Variants in EIF2A observed in about 807,000 individuals in gnomAD.
The protein encoded by EIF2A is 65 kDa eukaryotic translation initiation factor 2A.
EIF2A carries 62 observed loss-of-function variants against 75.2 expected under a neutral mutation model. The observed-to-expected ratio is 0.82, with a 90% CI of 0.67 to 1.02. The LOEUF is 1.02. Among genes scored for constraint, EIF2A ranks in the 50% least tolerant of loss-of-function variants. The pLI is 0.00. For synonymous variants in EIF2A, 207 were observed against 239.0 expected, an observed-to-expected ratio of 0.87 and a Z score of 1.23; for missense variants, 611 against 677.7, an observed-to-expected ratio of 0.90 and a Z score of 1.09.
intron 1 of EIF2A, among the ~76,000 whole-genome samples, chr3:150,552,033 G>A (rs1185117773): frequency 6.6e-6 from 1 of 152,082 alleles, no homozygotes; most frequent in African/African-American, 2.4e-5. Flanking sequence ...AGGTGGTAAC[G>A]TATCCAAGGT....
chr3:150,564,347 C>CAATG lies in EIF2A; in HGVS notation c.444_447dup (p.Val150Ter). On this transcript the variant is annotated frameshift_variant, in exon 6 of 14. Transcript: ENST00000460851. LOFTEE classifies it high-confidence loss of function. ...AAACTCTTTGTGCCCGCAATGTTAA[C>CAATG]AATGAAGTTCACTTCTTTGAAAACA... 1 of 1,601,402 alleles carries CAATG rather than the reference C, an allele frequency of 6.2e-7. No individual in the cohort carries two copies. Among genetic ancestry groups the CAATG allele is most frequent in the Non-Finnish European group, 8.5e-7 (1 of 1,175,318 alleles).
Position 150,561,979 on chromosome 3 carries a change from G to A in EIF2A, c.174-563G>A, listed in dbSNP as rs529622337. ...TCTCCATGTTGGCCAGGCTGGTCTC[G>A]AACTCCCGACCTCAGGTGATCCACC... On this transcript the variant is annotated intron_variant, in intron 3 of 13. Transcript: ENST00000460851. 2.6e-5 allele frequency among the ~76,000 whole-genome samples: 4 copies of A among 151,882 alleles called. No homozygotes were observed. In the South Asian group the frequency reaches 6.2e-4, roughly 24 times the overall value.
intron 11 of EIF2A, among the ~76,000 whole-genome samples, chr3:150,577,970 A>C (rs957169639): frequency 3.9e-5 from 6 of 152,196 alleles, no homozygotes; most frequent in African/African-American, 1.4e-4. Flanking sequence ...ATTCCAAGTA[A>C]AAATGATCTA....
In EIF2A at chr3:150,571,964, A is replaced by G; in HGVS notation, c.818A>G (p.Asn273Ser). 1.3e-6 allele frequency: 2 copies of G among 1,596,014 alleles called. No homozygotes were observed. Among genetic ancestry groups the G allele is most frequent in the Non-Finnish European group, 1.7e-6 (2 of 1,173,114 alleles). ...CTTTATATTCTTTTTCTAGCAAAAA[A>G]TGGCCCCATTTATGATGTAGTTTGG... The part of the protein sequence containing the change: ...GESAVVQLPK[N>S]GPIYDVVWNS... The change falls in exon 10 of 14, where the codon AAT becomes AGT. Residue 273 changes from asparagine (N) to serine (S), a missense_variant. Asn to Ser is a conservative substitution (Grantham distance 46). Transcript: ENST00000460851.
At position 150,571,967 on chromosome 3, in the gene EIF2A, G is replaced by T. The variant is rs1448784838; in HGVS notation, c.821G>T (p.Gly274Val). Residue 274 changes from glycine to valine, a missense_variant, in exon 10 of 14, where the codon GGC becomes GTC. Transcript: ENST00000460851. ...TATATTCTTTTTCTAGCAAAAAATG[G>T]CCCCATTTATGATGTAGTTTGGAAT... is the stretch of plus-strand genomic sequence containing the variant. ...ESAVVQLPKN[G>V]PIYDVVWNSS... The T allele has an allele frequency of 6.3e-7, 1 of 1,595,964 alleles. No individual in the cohort carries two copies. Among genetic ancestry groups the T allele is most frequent in the Admixed American group, 1.8e-5 (1 of 55,756 alleles).
At chr3:150,564,449 T>C in intron 6 of EIF2A, 68 bp downstream of exon 6, 1 of 1,291,590 alleles carries the variant, frequency 7.7e-7, no homozygotes. Flanking sequence ...TTAACTTTTA[T>C]GACATCATAG....
chr3:150,578,345 AAAT>A (rs1314696455), intron 11 of EIF2A, among the ~76,000 whole-genome samples: 9 of 148,636 alleles, frequency 6.1e-5, no homozygotes, highest in South Asian at 4.2e-4. Context: ...TTAATTATAT[AAAT>A]AATATACAAA....
chr3:150,547,031 T>G, intron 1 of EIF2A: 1 of 618,068 alleles, frequency 1.6e-6, no homozygotes, highest in South Asian at 2.0e-5. Flanking sequence ...GTATTCCCCC[T>G]CCCTTTCACC....
chr3:150,583,361 G>A, intron 13 of EIF2A, 96 bp downstream of exon 13: 1 of 1,182,064 alleles, frequency 8.5e-7, no homozygotes, highest in Non-Finnish European at 1.2e-6. Flanking sequence ...AGCACATGGA[G>A]TTTAAAAACT....
chr3:150,571,264 T>G (rs1724499924), intron 9 of EIF2A, among the ~76,000 whole-genome samples: 1 of 151,326 alleles, frequency 6.6e-6, no homozygotes, highest in South Asian at 2.1e-4. Context: ...CTCAGCCTCC[T>G]GAGTAGCTGG....
In EIF2A at chr3:150,584,175, CAA is replaced by C. The variant is rs971559525; in HGVS notation, c.*265_*266del. 5 of 322,008 alleles carry C rather than the reference CAA, an allele frequency of 1.6e-5. No individual in the cohort carries two copies. Among genetic ancestry groups the C allele is most frequent in the East Asian group, 5.3e-5 (1 of 18,938 alleles). 19.9% of individuals were successfully genotyped at this position (322,008 alleles called of 1,614,324 possible). On this transcript the variant is annotated 3_prime_UTR_variant, in exon 14 of 14. Coordinates refer to ENST00000460851, the MANE Select transcript of EIF2A (RefSeq NM_032025.5). Reference sequence around the variant, plus strand: ...TAGCTAAGCTTGACAGATTGAAAGACAAGTGTCATTTTTTTTTGTAGAGGGTG... The same window carrying C: ...TAGCTAAGCTTGACAGATTGAAAGACGTGTCATTTTTTTTTGTAGAGGGTG...
rs532482827 is a variant in EIF2A at position 150,574,058 on chromosome 3, A to G, written c.1383+1529A>G. Among the ~76,000 whole-genome samples, 6 of 152,228 alleles carry G rather than the reference A, an allele frequency of 3.9e-5. No homozygotes were observed. In the South Asian group the frequency reaches 1.0e-3, roughly 26 times the overall value. ...GACCCCATCACTACTAAAAATGCAA[A>G]ACAAATAGTTGGGCATGGTGGTGTC... is the stretch of plus-strand genomic sequence containing the variant. On this transcript the variant is annotated intron_variant, in intron 10 of 13. Transcript: ENST00000460851.
chr3:150,558,603 C>T (rs897885474), intron 3 of EIF2A, 141 bp downstream of exon 3: 19 of 639,182 alleles, frequency 3.0e-5, no homozygotes, highest in African/African-American at 1.4e-4. Flanking sequence ...CCTCTCGTTA[C>T]ACAAAATACC....
intron 2 of EIF2A, chr3:150,557,651 G>A (rs765679834): frequency 7.4e-5 from 26 of 351,308 alleles, no homozygotes; most frequent in East Asian, 6.5e-4. Context: ...CGCCTGCCTC[G>A]GCCTCCCAAA....
At chr3:150,567,001 G>A (rs983190397) in intron 6 of EIF2A, 3 of 152,152 alleles carry the variant, frequency 2.0e-5, no homozygotes, top group Admixed American at 6.6e-5. Flanking sequence ...ACTGTTTCTG[G>A]GTTAGCTTGC....
chr3:150,547,692 C>T (rs1401544906), intron 1 of EIF2A, among the ~76,000 whole-genome samples: 2 of 152,138 alleles, frequency 1.3e-5, no homozygotes, highest in Non-Finnish European at 2.9e-5. Flanking sequence ...CCTTCCCCCC[C>T]GCGAAAGGAA....
chr3:150,565,247 A>G (rs1269780295), intron 6 of EIF2A: 1 of 455,964 alleles, frequency 2.2e-6, no homozygotes, highest in South Asian at 1.6e-5. Flanking sequence ...GTAAGACTAC[A>G]TTATAAGGTG....
At chr3:150,580,585 G>A (rs976044708) in intron 11 of EIF2A, among the ~76,000 whole-genome samples, 1 of 152,060 alleles carries the variant, frequency 6.6e-6, no homozygotes, top group African/African-American at 2.4e-5. Flanking sequence ...CAAGTTCATG[G>A]ATAGGTTTAA....
At chr3:150,555,593 A>C (rs1723520256) in intron 2 of EIF2A, among the ~76,000 whole-genome samples, 1 of 151,372 alleles carries the variant, frequency 6.6e-6, no homozygotes, top group African/African-American at 2.4e-5. Flanking sequence ...GCACTACTCT[A>C]GAAAACCCAG....
Sources: allele counts gnomAD v4.1 joint callset (sites outside exome capture counted in the v4.1 genomes callset), GRCh38; gene constraint gnomAD v4.1.1; transcripts MANE v1.5; gene names NCBI Gene and HGNC (gene_info 2026-07-23, HGNC 2026-07-21).